Variants in DCTD observed in about 807,000 individuals in gnomAD.
The protein encoded by DCTD is dCMP deaminase.
A neutral mutation model predicts 21.0 loss-of-function variants in DCTD; 23 were observed. The ratio of observed to expected loss-of-function variants is 1.09; its 90% CI spans 0.79 to 1.55. The LOEUF is 1.55. Among genes scored for constraint, DCTD ranks in the 40% most tolerant of loss-of-function variants. The pLI is 0.00. For missense variants in DCTD, 224 were observed against 230.0 expected (o/e 0.97, Z 0.17); for synonymous variants, 71 against 81.1 (o/e 0.88, Z 0.67).
intron 3 of DCTD, among the ~76,000 whole-genome samples, chr4:182,907,901 C>G (rs760168929): frequency 6.2e-4 from 95 of 152,162 alleles, no homozygotes; most frequent in Non-Finnish European, 1.3e-3. Flanking sequence ...CATGAACATA[C>G]CAAACCTGGA....
At chr4:182,914,544 T>TA (rs1161857427) in intron 3 of DCTD, among the ~76,000 whole-genome samples, 1 of 151,868 alleles carries the variant, frequency 6.6e-6, no homozygotes, top group Non-Finnish European at 1.5e-5. Flanking sequence ...TTCCAAGTAG[T>TA]AAAAAAAGGA....
chr4:182,896,648 C>T (rs901930313), intron 3 of DCTD, among the ~76,000 whole-genome samples: 4 of 152,280 alleles, frequency 2.6e-5, no homozygotes, highest in African/African-American at 4.8e-5. Flanking sequence ...GCCACATGTG[C>T]GCTGGCCTTG....
At chr4:182,895,901 G>T (rs575349518) in intron 3 of DCTD, among the ~76,000 whole-genome samples, 3 of 152,342 alleles carry the variant, frequency 2.0e-5, no homozygotes, top group African/African-American at 7.2e-5. Context: ...GTGCAGACAA[G>T]TTCCGGAAGC....
chr4:182,915,534 T>G lies in DCTD; in HGVS notation c.35A>C (p.Tyr12Ser). 1 of 1,613,848 alleles carries G rather than the reference T, an allele frequency of 6.2e-7. No individual in the cohort carries two copies. The highest frequency in any genetic ancestry group is 2.2e-5 in the East Asian group (1 of 44,888). The change falls in exon 2 of 6, where the codon TAT (tyrosine) becomes TCT (serine). Residue 12 changes from tyrosine to serine, a missense_variant. Coordinates refer to ENST00000438320, the MANE Select transcript of DCTD (RefSeq NM_001921.3). Reference protein sequence around the residue: ...SEVSCKKRDDYLEWPEYFMAV... With the variant: ...SEVSCKKRDDSLEWPEYFMAV... ...CATAAAATACTCTGGCCATTCCAAA[T>G]AGTCGTCCCGTTTCTTGCAGGAAAC...
At chr4:182,898,429 G>A (rs1735133319) in intron 3 of DCTD, among the ~76,000 whole-genome samples, 1 of 152,232 alleles carries the variant, frequency 6.6e-6, no homozygotes, top group Non-Finnish European at 1.5e-5. Context: ...CTGAGAAAGT[G>A]CATTTCCAGC....
intron 3 of DCTD, among the ~76,000 whole-genome samples, chr4:182,914,227 C>T (rs1467877970): frequency 6.6e-6 from 1 of 152,184 alleles, no homozygotes; most frequent in Admixed American, 6.5e-5. Context: ...AGGCTGGTCT[C>T]GAACTCCTGA....
Position 182,894,635 on chromosome 4 carries a change from C to T in DCTD, c.245-30G>A, listed in dbSNP as rs751334666. 3 of 1,462,650 alleles carry T rather than the reference C, an allele frequency of 2.1e-6. No homozygotes were observed. The Admixed American group carries it at 5.0e-5, about 24-fold the overall frequency. 90.6% of individuals were successfully genotyped at this position (1,462,650 alleles called of 1,614,324 possible). On this transcript the variant is annotated intron_variant, in intron 3 of 5. Coordinates refer to ENST00000438320, the MANE Select transcript of DCTD (RefSeq NM_001921.3). Reference sequence around the variant, plus strand: ...GGGTTGAAAGGGAAAGAAAGAAAAACTTTGGTTGCAGCTCATGAAGAATTT... The same window carrying T: ...GGGTTGAAAGGGAAAGAAAGAAAAATTTTGGTTGCAGCTCATGAAGAATTT...
At chr4:182,894,200 A>G (rs1734307212) in intron 4 of DCTD, among the ~76,000 whole-genome samples, 1 of 152,230 alleles carries the variant, frequency 6.6e-6, no homozygotes, top group South Asian at 2.1e-4. Context: ...ATGTCAGAGA[A>G]CAGTAAATTG....
intron 3 of DCTD, among the ~76,000 whole-genome samples, chr4:182,910,035 C>T (rs541396239): frequency 6.6e-6 from 1 of 152,252 alleles, no homozygotes; most frequent in African/African-American, 2.4e-5. Flanking sequence ...GGAACTGACT[C>T]GGGTAAGAGC....
chr4:182,908,016 A>G (rs1737020580), intron 3 of DCTD, among the ~76,000 whole-genome samples: 1 of 151,756 alleles, frequency 6.6e-6, no homozygotes, highest in Non-Finnish European at 1.5e-5. Context: ...TATTACAGAC[A>G]TGCATATCCC....
chr4:182,917,574 C>G (rs1020677298), upstream of DCTD: 11 of 195,878 alleles, frequency 5.6e-5, no homozygotes, highest in Middle Eastern at 2.0e-3. This position sits in a 1 kb window ranked among gnomAD's most constrained non-coding sequence, Gnocchi z 4.9. Context: ...ACGCAGCCCG[C>G]GGTCCGGCCG....
chr4:182,907,838 A>T (rs1449875584), intron 3 of DCTD, among the ~76,000 whole-genome samples: 1 of 152,206 alleles, frequency 6.6e-6, no homozygotes, highest in Non-Finnish European at 1.5e-5. Flanking sequence ...CTTCATAGAG[A>T]TATTGAGAAA....
rs1206270464 is a variant in DCTD, at chr4:182,892,883, A to G, written c.458+148T>C. 3 of 630,656 alleles carry G rather than the reference A, an allele frequency of 4.8e-6. No homozygotes were observed. The African/African-American group carries it at 5.5e-5, about 12-fold the overall frequency. 39.1% of individuals were successfully genotyped at this position (630,656 alleles called of 1,614,324 possible). On this transcript the variant is annotated intron_variant, in intron 5 of 5. Coordinates refer to ENST00000438320, the MANE Select transcript of DCTD (RefSeq NM_001921.3). ...ACTGCTCTTAAATATCTACCCCTAT[A>G]ATAGTCTTTAAATTCTTATGCCCTT...
intron 3 of DCTD, among the ~76,000 whole-genome samples, chr4:182,894,972 G>C (rs1200615707): frequency 1.3e-5 from 2 of 152,254 alleles, no homozygotes; most frequent in Non-Finnish European, 2.9e-5. Flanking sequence ...GCTGTTAAGA[G>C]GGCTAGGGGA....
At chr4:182,916,192 A>T (rs1738694068) in intron 1 of DCTD, 3 of 182,086 alleles carry the variant, frequency 1.6e-5, no homozygotes, top group Non-Finnish European at 3.1e-5. Context: ...GATGGGACAG[A>T]AGTTATCAAC....
intron 3 of DCTD, among the ~76,000 whole-genome samples, chr4:182,907,378 T>C (rs1736915297): frequency 6.6e-6 from 1 of 152,284 alleles, no homozygotes; most frequent in Admixed American, 6.5e-5. Context: ...ACTCGAACGA[T>C]CCACCTGCCT....
chr4:182,916,335 C>A, intron 1 of DCTD: 6 of 973,932 alleles, frequency 6.2e-6, no homozygotes, highest in Non-Finnish European at 7.3e-6. Flanking sequence ...CGAAGGGGGT[C>A]CTAGGACTTC....
At chr4:182,897,146 TA>T (rs1734871487) in intron 3 of DCTD, among the ~76,000 whole-genome samples, 1 of 152,132 alleles carries the variant, frequency 6.6e-6, no homozygotes, top group Non-Finnish European at 1.5e-5. Flanking sequence ...TAGTGAAAAT[TA>T]CCATATGAAA....
intron 3 of DCTD, among the ~76,000 whole-genome samples, chr4:182,911,768 A>T (rs754217033): frequency 6.6e-6 from 1 of 152,222 alleles, no homozygotes. Context: ...GGACATACAT[A>T]AACTTTTCCC....
Sources: gnomAD v4.1 joint callset for allele counts (sites outside exome capture counted in the v4.1 genomes callset) on GRCh38, gnomAD v4.1.1 for gene constraint, Gnocchi (gnomAD v3.1) non-coding constraint, MANE v1.5 for transcripts, NCBI Gene and HGNC (gene_info 2026-07-23, HGNC 2026-07-21) for gene names.